Variants in PTPRD observed in about 807,000 individuals in gnomAD.
PTPRD encodes the protein receptor-type tyrosine-protein phosphatase delta.
PTPRD carries 34 observed loss-of-function variants against 214.5 expected under a neutral mutation model. The observed-to-expected ratio is 0.16, with a 90% CI of 0.12 to 0.21. The LOEUF is 0.21. PTPRD is among the 10% of genes least tolerant of loss of function. PTPRD has a pLI of 1.00. For synonymous variants in PTPRD, 1,128 were observed against 845.7 expected, an observed-to-expected ratio of 1.33 and a Z score of -5.79; for missense variants, 2,545 against 2,398.7, an observed-to-expected ratio of 1.06 and a Z score of -1.27.
At chr9:9,939,038 G>C (rs891283015) in intron 4 of PTPRD, among the ~76,000 whole-genome samples, 4 of 151,094 alleles carry the variant, frequency 2.6e-5, no homozygotes, top group African/African-American at 9.7e-5. Context: ...ACCATGAAAA[G>C]GAATCTCAGT....
intron 10 of PTPRD, among the ~76,000 whole-genome samples, chr9:9,031,559 A>G (rs578164298): frequency 1.3e-5 from 2 of 152,080 alleles, no homozygotes; most frequent in Admixed American, 6.6e-5. Flanking sequence ...AATGGTGACT[A>G]TGACATTAGG....
chr9:8,961,265 T>A (rs2099157289), intron 11 of PTPRD, among the ~76,000 whole-genome samples: 2 of 152,074 alleles, frequency 1.3e-5, no homozygotes, highest in African/African-American at 4.8e-5. Context: ...AAAGGGCAGA[T>A]GTACATAAAA....
intron 8 of PTPRD, among the ~76,000 whole-genome samples, chr9:9,410,571 T>C (rs746132125): frequency 6.6e-5 from 10 of 152,088 alleles, no homozygotes; most frequent in African/African-American, 9.7e-5. Context: ...AGAACCCGAC[T>C]ATGAATTCCT....
intron 2 of PTPRD, among the ~76,000 whole-genome samples, chr9:10,546,470 C>A (rs1185109987): frequency 1.4e-5 from 2 of 145,126 alleles, no homozygotes; most frequent in African/African-American, 5.2e-5. Flanking sequence ...ACAGAGAAAT[C>A]TTTACTGCAA....
intron 10 of PTPRD, among the ~76,000 whole-genome samples, chr9:9,117,741 A>G (rs1313323569): frequency 1.3e-5 from 2 of 151,702 alleles, no homozygotes; most frequent in Non-Finnish European, 2.9e-5. Flanking sequence ...ATGCCAAGAA[A>G]AAAAATATTT....
chr9:10,096,159 T>A (rs1295998842), intron 3 of PTPRD, among the ~76,000 whole-genome samples: 1 of 151,648 alleles, frequency 6.6e-6, no homozygotes, highest in Admixed American at 6.6e-5. Flanking sequence ...GGCAATAATG[T>A]TATTTCTTCT....
intron 4 of PTPRD, among the ~76,000 whole-genome samples, chr9:10,018,310 A>G (rs944762259): frequency 2.6e-5 from 4 of 152,036 alleles, no homozygotes; most frequent in East Asian, 1.9e-4. Flanking sequence ...TCTTTTATAT[A>G]TTCCAATAAA....
In PTPRD at chr9:9,706,703, G is replaced by C. The variant is rs560057971; in HGVS notation, c.-287+27830C>G. ...GATCCGTCTGCCTCAGCCTCCCAAA[G>C]TGCTAGCATTGCAGGCATGAGCCAC... On this transcript the variant is annotated intron_variant, in intron 7 of 45. Coordinates refer to ENST00000381196, the MANE Select transcript of PTPRD (RefSeq NM_002839.4). 2.0e-5 allele frequency among the ~76,000 whole-genome samples: 3 copies of C among 152,126 alleles called. No homozygotes were observed. The South Asian group carries it at 6.2e-4, about 32-fold the overall frequency.
At chr9:8,635,598 A>C (rs1420028814) in intron 13 of PTPRD, among the ~76,000 whole-genome samples, 1 of 152,088 alleles carries the variant, frequency 6.6e-6, no homozygotes, top group African/African-American at 2.4e-5. Context: ...TCACCCTGTG[A>C]GTTCCTATGA....
chr9:10,591,882 G>T (rs2075541150), intron 2 of PTPRD, among the ~76,000 whole-genome samples: 1 of 152,064 alleles, frequency 6.6e-6, no homozygotes, highest in Non-Finnish European at 1.5e-5. Context: ...GTTGAGACAT[G>T]GATCCTCCAG....
At chr9:9,592,436 G>C (rs2092826759) in intron 7 of PTPRD, among the ~76,000 whole-genome samples, 1 of 152,012 alleles carries the variant, frequency 6.6e-6, no homozygotes, top group South Asian at 2.1e-4. Flanking sequence ...AATAATTGAA[G>C]AGCAAACTCC....
At chr9:9,480,283 C>G (rs1365666859) in intron 8 of PTPRD, among the ~76,000 whole-genome samples, 1 of 152,108 alleles carries the variant, frequency 6.6e-6, no homozygotes, top group Non-Finnish European at 1.5e-5. Context: ...AATACATTTT[C>G]TCTTCTAAGT....
intron 3 of PTPRD, among the ~76,000 whole-genome samples, chr9:10,125,724 C>T (rs569105168): frequency 1.5e-4 from 23 of 151,558 alleles, no homozygotes; most frequent in African/African-American, 2.2e-4. Context: ...CCTCGGGATC[C>T]GCTCGCCTCA....
At chr9:8,939,501 T>G (rs2099018085) in intron 11 of PTPRD, among the ~76,000 whole-genome samples, 1 of 152,204 alleles carries the variant, frequency 6.6e-6, no homozygotes, top group South Asian at 2.1e-4. Context: ...AAGAACTATG[T>G]AAATAAAATG....
At chr9:9,174,605 T>C (rs1379433542) in intron 10 of PTPRD, among the ~76,000 whole-genome samples, 1 of 152,098 alleles carries the variant, frequency 6.6e-6, no homozygotes, top group Admixed American at 6.6e-5. Context: ...TGTAATATGT[T>C]CTCCTAAGTA....
chr9:9,437,415 ATG>A (rs2085724938), intron 8 of PTPRD, among the ~76,000 whole-genome samples: 1 of 144,960 alleles, frequency 6.9e-6, no homozygotes, highest in Non-Finnish European at 1.5e-5. Context: ...AATCACAATG[ATG>A]CCCCCTGAGA....
intron 2 of PTPRD, among the ~76,000 whole-genome samples, chr9:10,448,608 G>A (rs999406254): frequency 6.6e-6 from 1 of 151,990 alleles, no homozygotes; most frequent in Non-Finnish European, 1.5e-5. Flanking sequence ...TGATTTGTAT[G>A]ATTTGATCCC....
At chr9:10,345,889 A>G (rs576055027) in intron 2 of PTPRD, among the ~76,000 whole-genome samples, 207 of 152,310 alleles carry the variant, frequency 1.4e-3, no homozygotes, top group African/African-American at 4.5e-3. Flanking sequence ...ACAGTGTAAA[A>G]GCATTCCTAT....
At chr9:8,952,893 A>G (rs1316010903) in intron 11 of PTPRD, among the ~76,000 whole-genome samples, 2 of 151,988 alleles carry the variant, frequency 1.3e-5, no homozygotes. Context: ...CAATGAAAGC[A>G]TAACAAAGAA....
Sources: allele counts gnomAD v4.1 joint callset (sites outside exome capture counted in the v4.1 genomes callset), GRCh38; gene constraint gnomAD v4.1.1; transcripts MANE v1.5; gene names NCBI Gene and HGNC (gene_info 2026-07-23, HGNC 2026-07-21).